CADM2: variants seen among roughly 807,000 people sequenced by gnomAD.
CADM2 encodes the protein immunoglobulin superfamily member 4D.
Under a neutral mutation model 49.8 loss-of-function variants are expected in CADM2, and 12 were observed. The ratio of observed to expected loss-of-function variants is 0.24; its 90% CI spans 0.15 to 0.39. CADM2 has a LOEUF of 0.39. Ranked by LOEUF, CADM2 falls within the 10% of genes least tolerant of loss-of-function variation. The pLI is 1.00. For missense variants in CADM2, 378 were observed against 492.3 expected (o/e 0.77, Z 2.20); for synonymous variants, 214 against 175.4 (o/e 1.22, Z -1.74).
intron 1 of CADM2, among the ~76,000 whole-genome samples, chr3:85,261,295 C>T (rs147508787): frequency 2.0e-5 from 3 of 152,048 alleles, no homozygotes; most frequent in African/African-American, 7.2e-5. Context: ...GCCACCAGGC[C>T]CAGCTAATTT....
chr3:85,558,840 T>A (rs966248256), intron 1 of CADM2, among the ~76,000 whole-genome samples: 2 of 152,052 alleles, frequency 1.3e-5, no homozygotes, highest in African/African-American at 4.8e-5. Context: ...ACCAAAACAA[T>A]CATGGAGAGA....
At chr3:85,496,682 C>T (rs2039915864) in intron 1 of CADM2, among the ~76,000 whole-genome samples, 1 of 152,158 alleles carries the variant, frequency 6.6e-6, no homozygotes, top group African/African-American at 2.4e-5. Context: ...ATTCCCTTTT[C>T]TCCACAGGCT....
chr3:85,475,945 A>G (rs1446696260), intron 1 of CADM2, among the ~76,000 whole-genome samples: 3 of 151,958 alleles, frequency 2.0e-5, no homozygotes, highest in Non-Finnish European at 4.4e-5. Context: ...TCTCATGTTA[A>G]TTGCACACAA....
At chr3:85,192,725 T>C (rs1369719722) in intron 1 of CADM2, among the ~76,000 whole-genome samples, 1 of 151,916 alleles carries the variant, frequency 6.6e-6, no homozygotes, top group African/African-American at 2.4e-5. Context: ...GATTTTTATC[T>C]TGCTACTTAA....
rs145796725 is a variant in CADM2 at position 85,016,520 on chromosome 3, T to C, written c.61+56852T>C. 6.3e-3 allele frequency among the ~76,000 whole-genome samples: 964 copies of C among 152,170 alleles called. 15 individuals carry two copies. Among genetic ancestry groups the C allele is most frequent in the African/African-American group, 0.022 (922 of 41,518 alleles). On this transcript the variant is annotated intron_variant, in intron 1 of 9. Coordinates refer to ENST00000383699, the MANE Select transcript of CADM2 (RefSeq NM_001167675.2). Reference sequence around the variant, plus strand: ...TTCAAGAAAAACTTGGTGCTGGGTGTGGTGGCTCATGCCTGTAGTCCTAGC... The same window carrying C: ...TTCAAGAAAAACTTGGTGCTGGGTGCGGTGGCTCATGCCTGTAGTCCTAGC...
chr3:85,413,770 A>C (rs118150298), intron 1 of CADM2, among the ~76,000 whole-genome samples: 1 of 152,302 alleles, frequency 6.6e-6, no homozygotes, highest in East Asian at 1.9e-4. Flanking sequence ...AATTTGACAT[A>C]AATTTGGGTG....
At chr3:84,983,101 C>A (rs1327096737) in intron 1 of CADM2, among the ~76,000 whole-genome samples, 2 of 151,934 alleles carry the variant, frequency 1.3e-5, no homozygotes, top group African/African-American at 4.8e-5. Flanking sequence ...ATTTATGGAA[C>A]CCCATTTAAA....
intron 8 of CADM2, among the ~76,000 whole-genome samples, chr3:85,981,508 A>T (rs1396327905): frequency 6.6e-6 from 1 of 151,240 alleles, no homozygotes; most frequent in Admixed American, 6.6e-5. Context: ...ACCCTCCTGG[A>T]CCCTCCCATC....
At chr3:85,614,775 G>T (rs946560610) in intron 1 of CADM2, among the ~76,000 whole-genome samples, 14 of 151,934 alleles carry the variant, frequency 9.2e-5, no homozygotes, top group African/African-American at 3.1e-4. Context: ...AGCCTCTAAA[G>T]TATCCAGATG....
At chr3:85,507,025 T>A (rs2040385308) in intron 1 of CADM2, among the ~76,000 whole-genome samples, 2 of 152,168 alleles carry the variant, frequency 1.3e-5, no homozygotes, top group Non-Finnish European at 2.9e-5. Context: ...ATTATGATAG[T>A]AAAATAAATG....
intron 6 of CADM2, among the ~76,000 whole-genome samples, chr3:85,930,834 A>T (rs1720494481): frequency 6.6e-6 from 1 of 151,460 alleles, no homozygotes; most frequent in African/African-American, 2.4e-5. Context: ...ATTAAATATG[A>T]ACTAAGATTA....
intron 1 of CADM2, among the ~76,000 whole-genome samples, chr3:85,484,049 A>G (rs913267600): frequency 3.3e-5 from 5 of 151,692 alleles, no homozygotes; most frequent in Non-Finnish European, 5.9e-5. Flanking sequence ...GAAAATATCC[A>G]CATTTCCTCT....
At chr3:85,180,564 C>T (rs1444166481) in intron 1 of CADM2, among the ~76,000 whole-genome samples, 1 of 149,756 alleles carries the variant, frequency 6.7e-6, no homozygotes, top group East Asian at 1.9e-4. Flanking sequence ...GACCACCCTA[C>T]CTTCTCTCTT....
chr3:85,196,136 T>A (rs1030353077), intron 1 of CADM2, among the ~76,000 whole-genome samples: 2 of 152,068 alleles, frequency 1.3e-5, no homozygotes, highest in Non-Finnish European at 2.9e-5. Context: ...GATTGGTAAA[T>A]GTGCTGGAGA....
intron 1 of CADM2, 66 bp from the exon 2 acceptor site, chr3:85,726,456 A>C (rs757897014): frequency 6.4e-7 from 1 of 1,556,914 alleles, no homozygotes; most frequent in South Asian, 1.1e-5. Flanking sequence ...CTGCTTTCTT[A>C]CTAGAGAATC....
chr3:85,836,314 A>G (rs1359336736), intron 3 of CADM2, among the ~76,000 whole-genome samples: 1 of 151,670 alleles, frequency 6.6e-6, no homozygotes, highest in East Asian at 1.9e-4. Context: ...CTACTGGTGC[A>G]GATAATAATT....
At chr3:85,516,575 G>A (rs756411497) in intron 1 of CADM2, among the ~76,000 whole-genome samples, 15 of 151,922 alleles carry the variant, frequency 9.9e-5, no homozygotes, top group Non-Finnish European at 4.4e-5. Flanking sequence ...GTTTCATATA[G>A]TAGTCTTTTA....
chr3:85,639,831 G>A (rs960613349), intron 1 of CADM2, among the ~76,000 whole-genome samples: 1 of 151,920 alleles, frequency 6.6e-6, no homozygotes, highest in African/African-American at 2.4e-5. Flanking sequence ...TCTTCAAATA[G>A]GACATGAAAT....
At chr3:85,767,748 C>A (rs1214034398) in intron 2 of CADM2, among the ~76,000 whole-genome samples, 1 of 152,014 alleles carries the variant, frequency 6.6e-6, no homozygotes, top group East Asian at 1.9e-4. Flanking sequence ...AGGGTCTGGC[C>A]ACATTAAAAA....
Sources: allele counts gnomAD v4.1 joint callset (sites outside exome capture counted in the v4.1 genomes callset), GRCh38; gene constraint gnomAD v4.1.1; transcripts MANE v1.5; gene names NCBI Gene and HGNC (gene_info 2026-07-23, HGNC 2026-07-21).